The following MBD5 variants were observed in gnomAD, a reference collection of about 807,000 sequenced individuals.
MBD5 encodes the protein methyl-CpG binding domain protein 5.
A neutral mutation model predicts 117.3 loss-of-function variants in MBD5; 13 were observed. That is an observed-to-expected ratio of 0.11 (90% CI 0.07 to 0.18). The LOEUF (loss-of-function observed/expected upper bound fraction) is 0.18, where lower values mean the gene tolerates loss of function less well. Among genes scored for constraint, MBD5 ranks in the 10% least tolerant of loss-of-function variants. The pLI, the probability that MBD5 is intolerant of heterozygous loss-of-function variation, is 1.00. For synonymous variants in MBD5, 727 were observed against 766.4 expected (o/e 0.95, Z 0.85); for missense variants, 1,879 against 2,093.8 (o/e 0.90, Z 2.00).
intron 12 of MBD5, among the ~76,000 whole-genome samples, chr2:148,505,558 T>G (rs775227937): frequency 6.6e-6 from 1 of 152,060 alleles, no homozygotes; most frequent in East Asian, 1.9e-4. Context: ...TTGGGCAATT[T>G]GAAGGTCACT....
intron 8 of MBD5, among the ~76,000 whole-genome samples, chr2:148,476,307 T>G (rs1388414631): frequency 6.6e-6 from 1 of 152,202 alleles, no homozygotes; most frequent in Non-Finnish European, 1.5e-5. Flanking sequence ...CTTTTTAAAA[T>G]TCTTCCCACA....
intron 3 of MBD5, among the ~76,000 whole-genome samples, chr2:148,335,347 C>A (rs1373848608): frequency 6.6e-6 from 1 of 152,134 alleles, no homozygotes; most frequent in Non-Finnish European, 1.5e-5. Flanking sequence ...CACCGCCACA[C>A]TCCAGCCTAG....
intron 1 of MBD5, chr2:148,027,435 ATTAC>A (rs1241301906): frequency 2.6e-5 from 4 of 151,978 alleles, no homozygotes; most frequent in Non-Finnish European, 5.9e-5. Context: ...TCCTGTTTTT[ATTAC>A]TTAAGTAACT....
At chr2:148,390,924 G>T (rs1420900394) in intron 4 of MBD5, among the ~76,000 whole-genome samples, 1 of 152,134 alleles carries the variant, frequency 6.6e-6, no homozygotes, top group Non-Finnish European at 1.5e-5. Flanking sequence ...GTCCTTTTTG[G>T]TGTTCAGAAG....
chr2:148,135,925 G>T (rs984068784), intron 1 of MBD5, among the ~76,000 whole-genome samples: 1 of 152,096 alleles, frequency 6.6e-6, no homozygotes, highest in East Asian at 1.9e-4. Context: ...AATTTTGGTC[G>T]TACCTTCTGA....
At chr2:148,473,436 G>A (rs1260126016) in intron 8 of MBD5, among the ~76,000 whole-genome samples, 1 of 152,008 alleles carries the variant, frequency 6.6e-6, no homozygotes, top group East Asian at 1.9e-4. Flanking sequence ...AGGTAACATG[G>A]TCCAACTGTA....
chr2:148,143,364 C>A (rs771458255), intron 1 of MBD5, among the ~76,000 whole-genome samples: 12 of 152,158 alleles, frequency 7.9e-5, no homozygotes, highest in Non-Finnish European at 1.8e-4. Flanking sequence ...CCTCTGGAGA[C>A]AGACAGAGTA....
intron 3 of MBD5, among the ~76,000 whole-genome samples, chr2:148,246,664 T>G (rs1041252968): frequency 2.0e-5 from 3 of 146,692 alleles, no homozygotes; most frequent in African/African-American, 7.6e-5. Flanking sequence ...CTCAGGAGGC[T>G]GAGGCAGGAG....
At chr2:148,447,855 GT>G (rs1706614518) in intron 4 of MBD5, 1 of 152,080 alleles carries the variant, frequency 6.6e-6, no homozygotes, top group Non-Finnish European at 1.5e-5. Context: ...TGTAGGTAGG[GT>G]TTGGCCCAGA....
intron 3 of MBD5, among the ~76,000 whole-genome samples, chr2:148,341,067 A>T (rs1169187100): frequency 6.6e-6 from 1 of 151,956 alleles, no homozygotes; most frequent in African/African-American, 2.4e-5. Context: ...GTGAGACCCC[A>T]CTTGAAAGTA....
At chr2:148,230,684 T>A (rs1429822016) in intron 2 of MBD5, among the ~76,000 whole-genome samples, 1 of 151,546 alleles carries the variant, frequency 6.6e-6, no homozygotes, top group East Asian at 2.0e-4. Flanking sequence ...AGTCTCAGAG[T>A]CTCACCCAAG....
intron 3 of MBD5, among the ~76,000 whole-genome samples, chr2:148,273,901 AAGTCCACTTT>A (rs908680185): frequency 2.0e-5 from 3 of 152,180 alleles, no homozygotes; most frequent in Admixed American, 2.0e-4. Flanking sequence ...TTGATATGGG[AAGTCCACTTT>A]CATCATTTGT....
intron 1 of MBD5, among the ~76,000 whole-genome samples, chr2:148,116,239 T>C (rs368737795): frequency 8.0e-4 from 121 of 151,776 alleles, no homozygotes; most frequent in African/African-American, 2.9e-3. Flanking sequence ...ATTGGAAATA[T>C]AGAGTTCTTT....
intron 3 of MBD5, among the ~76,000 whole-genome samples, chr2:148,249,833 T>C (rs1437544824): frequency 6.6e-6 from 1 of 152,154 alleles, no homozygotes; most frequent in East Asian, 1.9e-4. Context: ...TTTGACAATA[T>C]CTGGAGACAT....
chr2:148,173,182 G>A (rs1698303977), intron 1 of MBD5, among the ~76,000 whole-genome samples: 2 of 152,182 alleles, frequency 1.3e-5, no homozygotes, highest in South Asian at 4.1e-4. Flanking sequence ...TAACCCTTCT[G>A]GGAGCCCAAA....
chr2:148,459,531 C>T (rs1208687893), intron 5 of MBD5, among the ~76,000 whole-genome samples: 1 of 152,154 alleles, frequency 6.6e-6, no homozygotes, highest in African/African-American at 2.4e-5. Flanking sequence ...TAGTTGACAT[C>T]TAAGTTCCCT....
chr2:148,426,559 C>T (rs1290590997), intron 4 of MBD5, among the ~76,000 whole-genome samples: 3 of 151,970 alleles, frequency 2.0e-5, no homozygotes, highest in African/African-American at 2.4e-5. Context: ...GGAAAGGATT[C>T]CCTATTTAAT....
At chr2:148,241,141 T>C (rs1449568902) in intron 3 of MBD5, among the ~76,000 whole-genome samples, 1 of 152,152 alleles carries the variant, frequency 6.6e-6, no homozygotes, top group Non-Finnish European at 1.5e-5. Flanking sequence ...ATGTTAGATA[T>C]AGATGACACA....
intron 3 of MBD5, among the ~76,000 whole-genome samples, chr2:148,294,593 C>A (rs1210326788): frequency 1.3e-5 from 2 of 150,210 alleles, no homozygotes; most frequent in African/African-American, 4.9e-5. Flanking sequence ...ACCTCCACCT[C>A]CCGGGTTCAA....
Sources: allele counts gnomAD v4.1 joint callset (sites outside exome capture counted in the v4.1 genomes callset), GRCh38; gene constraint gnomAD v4.1.1; transcripts MANE v1.5; gene names NCBI Gene and HGNC (gene_info 2026-07-23, HGNC 2026-07-21).